TTC21B: variants seen among roughly 807,000 people sequenced by gnomAD.
TTC21B encodes tetratricopeptide repeat protein 21B.
In TTC21B, 127 loss-of-function variants were observed where a neutral mutation model predicts 175.1. That is an observed-to-expected ratio of 0.73 (90% CI 0.63 to 0.84). The LOEUF (loss-of-function observed/expected upper bound fraction) is 0.84, where lower values mean the gene tolerates loss of function less well. TTC21B is among the 40% of genes least tolerant of loss of function. The pLI is 0.00. For synonymous variants in TTC21B, 524 were observed against 524.5 expected (o/e 1.00, Z 0.01); for missense variants, 1,561 against 1,558.3 (o/e 1.00, Z -0.03).
chr2:165,917,587 T>C (rs1270167906), intron 13 of TTC21B, 106 bp from the exon 14 acceptor site: 3 of 909,664 alleles, frequency 3.3e-6, no homozygotes, highest in East Asian at 5.2e-5. Flanking sequence ...CAGTCCATCT[T>C]TGATTGTATG....
At chr2:165,926,006 C>T (rs1382379784) in intron 11 of TTC21B, among the ~76,000 whole-genome samples, 1 of 152,120 alleles carries the variant, frequency 6.6e-6, no homozygotes, top group African/African-American at 2.4e-5. Flanking sequence ...AATAGTTATG[C>T]AGACAATCTT....
chr2:165,915,223 T>C lies in TTC21B; in HGVS notation c.2116A>G (p.Met706Val). The part of the protein sequence containing the change: ...DIYLKHRKDK[M>V]LYITCFREIA... Reference sequence around the variant, plus strand: ...TACCTAAAACAAGTGATATATAACATTTTATCTTTTCTGTGCTTCAGATAA... The same window carrying C: ...TACCTAAAACAAGTGATATATAACACTTTATCTTTTCTGTGCTTCAGATAA... The change falls in exon 15 of 29, where the codon ATG becomes GTG. Residue 706 changes from methionine (M) to valine (V), a missense_variant. Transcript: ENST00000243344. 6.2e-7 allele frequency: 1 copy of C among 1,613,242 alleles called. No homozygotes were observed. Among genetic ancestry groups the C allele is most frequent in the Non-Finnish European group, 8.5e-7 (1 of 1,179,140 alleles).
At chr2:165,891,616 T>C (rs1054109729) in intron 22 of TTC21B, among the ~76,000 whole-genome samples, 1 of 149,502 alleles carries the variant, frequency 6.7e-6, no homozygotes, top group East Asian at 2.0e-4. Context: ...CATTCATTCA[T>C]TCCTTTGATC....
At chr2:165,876,878 T>C (rs1173354826) in intron 27 of TTC21B, among the ~76,000 whole-genome samples, 2 of 152,106 alleles carry the variant, frequency 1.3e-5, no homozygotes, top group Non-Finnish European at 2.9e-5. Flanking sequence ...AGGCCAGTGG[T>C]AGGACACACA....
At chr2:165,950,903 C>T (rs890513870) in intron 1 of TTC21B, among the ~76,000 whole-genome samples, 4 of 152,252 alleles carry the variant, frequency 2.6e-5, no homozygotes, top group East Asian at 3.9e-4. Context: ...CCACCACGCC[C>T]GTCCGACAGC....
At chr2:165,932,297 T>G (rs961257481) in intron 7 of TTC21B, among the ~76,000 whole-genome samples, 1 of 152,158 alleles carries the variant, frequency 6.6e-6, no homozygotes, top group Non-Finnish European at 1.5e-5. Flanking sequence ...CAGTACTTAG[T>G]ATAAGTAATT....
Position 165,924,594 on chromosome 2 carries a change from G to C in TTC21B, c.1471C>G (p.Leu491Val). 1 of 1,613,726 alleles carries C rather than the reference G, an allele frequency of 6.2e-7. No homozygotes were observed. The highest frequency in any genetic ancestry group is 8.5e-7 in the Non-Finnish European group (1 of 1,179,788). Residue 491 changes from leucine (L) to valine (V), a missense_variant, in exon 12 of 29, where the codon CTT becomes GTT. Transcript: ENST00000243344. Reference sequence around the variant, plus strand: ...GCTATTAGGAAGACTGTTTGCAGAAGACCTGGAACAGTTCTTACTACAGTC... The same window carrying C: ...GCTATTAGGAAGACTGTTTGCAGAACACCTGGAACAGTTCTTACTACAGTC... ...LETVVRTVPG[L>V]LQTVFLIAKV...
intron 14 of TTC21B, among the ~76,000 whole-genome samples, chr2:165,915,677 G>T (rs552074419): frequency 3.9e-5 from 6 of 152,278 alleles, no homozygotes; most frequent in African/African-American, 1.4e-4. Context: ...GACAACAGCA[G>T]CTGCTACAGA....
At chr2:165,897,964 C>A (rs986082149) in intron 22 of TTC21B, among the ~76,000 whole-genome samples, 4 of 152,156 alleles carry the variant, frequency 2.6e-5, no homozygotes, top group Admixed American at 6.5e-5. Flanking sequence ...GGGTCACCGA[C>A]CACATTGCAG....
chr2:165,914,694 T>TGTGTGTGTGTGTGTGTGTGTGTGTGG (rs1686095211), intron 15 of TTC21B, among the ~76,000 whole-genome samples: 1 of 148,822 alleles, frequency 6.7e-6, no homozygotes, highest in Admixed American at 6.6e-5. Context: ...TGTGTGTGTG[T>TGTGTGTGTGTGTGTGTGTGTGTGTGG]GTGTTGTGTA....
intron 19 of TTC21B, among the ~76,000 whole-genome samples, chr2:165,905,979 A>C (rs993180274): frequency 1.3e-5 from 2 of 152,194 alleles, no homozygotes; most frequent in African/African-American, 4.8e-5. Flanking sequence ...TGAATCATTC[A>C]AAGTATGTCT....
intron 24 of TTC21B, among the ~76,000 whole-genome samples, chr2:165,890,162 T>C (rs10497273): frequency 0.018 from 2,749 of 152,336 alleles, 118 homozygotes; most frequent in Admixed American, 0.099. Flanking sequence ...ATTGTGTGGA[T>C]AATTTTTGCT....
intron 22 of TTC21B, among the ~76,000 whole-genome samples, chr2:165,892,004 T>A (rs976879209): frequency 5.9e-5 from 9 of 152,150 alleles, no homozygotes; most frequent in African/African-American, 2.2e-4. Context: ...TTGGTTTTAA[T>A]GTTGATTTTG....
intron 4 of TTC21B, among the ~76,000 whole-genome samples, chr2:165,944,974 A>C (rs556156441): frequency 1.3e-5 from 2 of 152,318 alleles, no homozygotes; most frequent in African/African-American, 4.8e-5. Flanking sequence ...TCCTTAATTT[A>C]AAACAGTGCC....
At position 165,907,666 on chromosome 2, in the gene TTC21B, A is replaced by G; in HGVS notation, c.2568+12T>C. 3.8e-6 allele frequency: 6 copies of G among 1,574,132 alleles called. No homozygotes were observed. Among genetic ancestry groups the G allele is most frequent in the Non-Finnish European group, 5.2e-6 (6 of 1,145,540 alleles). On this transcript the variant is annotated intron_variant, in intron 19 of 28. Transcript: ENST00000243344. ...CTACCTCATGACCACACTCACAGACAAATGTGTTTACCTGTTGTAATGCAG... is the reference window on the plus strand; with the variant it reads ...CTACCTCATGACCACACTCACAGACGAATGTGTTTACCTGTTGTAATGCAG...
Position 165,876,209 on chromosome 2 carries a change from A to G in TTC21B, c.3829T>C (p.Leu1277=). 1 of 1,598,490 alleles carries G rather than the reference A, an allele frequency of 6.3e-7. No homozygotes were observed. The highest frequency in any genetic ancestry group is 8.6e-7 in the Non-Finnish European group (1 of 1,167,032). Residue 1277 remains leucine, a synonymous_variant, in exon 28 of 29, where the codon TTA becomes CTA. Coordinates refer to ENST00000243344, the MANE Select transcript of TTC21B (RefSeq NM_024753.5). ...AVGYKLAFNY[L]KAKRYVDSID... ...GAATCCACATATCTTTTTGCTTTTAAGTAATTAAATGCCAGTTTGTATCCT... is the reference window on the plus strand; with the variant it reads ...GAATCCACATATCTTTTTGCTTTTAGGTAATTAAATGCCAGTTTGTATCCT...
At chr2:165,898,917 C>T (rs1477920025) in intron 21 of TTC21B, 150 bp from the exon 22 acceptor site, 3 of 668,654 alleles carry the variant, frequency 4.5e-6, no homozygotes, top group East Asian at 5.4e-5. Context: ...GATTCAAGCC[C>T]ACCTTGTGCA....
At position 165,888,437 on chromosome 2, in the gene TTC21B, C is replaced by T; in HGVS notation, c.3301G>A (p.Val1101Ile). ...TTAAGAAGTTTTTCTGCTGTTCTTACTGCCAGTTGCACAGATTCTTGCTTC... is the reference window on the plus strand; with the variant it reads ...TTAAGAAGTTTTTCTGCTGTTCTTATTGCCAGTTGCACAGATTCTTGCTTC... ...TEKQESVQLA[V>I]RTAEKLLKEL... Residue 1101 changes from valine (V) to isoleucine (I), a missense_variant, in exon 25 of 29, where the codon GTA becomes ATA. Coordinates refer to ENST00000243344, the MANE Select transcript of TTC21B (RefSeq NM_024753.5). The T allele has an allele frequency of 6.2e-7, 1 of 1,613,814 alleles. No individual in the cohort carries two copies. Among genetic ancestry groups the T allele is most frequent in the African/African-American group, 1.3e-5 (1 of 75,032 alleles).
At chr2:165,882,516 T>A (rs1684870640) in intron 26 of TTC21B, among the ~76,000 whole-genome samples, 1 of 152,190 alleles carries the variant, frequency 6.6e-6, no homozygotes. Context: ...TGTCTTTAAG[T>A]TGGCCCCTAG....
Sources: allele counts gnomAD v4.1 joint callset (sites outside exome capture counted in the v4.1 genomes callset), GRCh38; gene constraint gnomAD v4.1.1; transcripts MANE v1.5; gene names NCBI Gene and HGNC (gene_info 2026-07-23, HGNC 2026-07-21).